The following QSER1 variants were observed in gnomAD, a reference collection of about 807,000 sequenced individuals.
QSER1 encodes the protein glutamine and serine-rich protein 1.
A neutral mutation model predicts 158.5 loss-of-function variants in QSER1; 49 were observed. That is an observed-to-expected ratio of 0.31 (90% CI 0.25 to 0.39). The LOEUF is 0.39. Among genes scored for constraint, QSER1 ranks in the 10% least tolerant of loss-of-function variants. The pLI, the probability that QSER1 is intolerant of heterozygous loss-of-function variation, is 1.00. For synonymous variants in QSER1, 650 were observed against 715.5 expected (o/e 0.91, Z 1.46); for missense variants, 1,754 against 2,010.3 (o/e 0.87, Z 2.44).
At chr11:32,911,905 G>A (rs1851771720) in intron 1 of QSER1, among the ~76,000 whole-genome samples, 1 of 152,200 alleles carries the variant, frequency 6.6e-6, no homozygotes, top group Admixed American at 6.5e-5. Flanking sequence ...TTAAGTGGAA[G>A]AGGGAAGAGT....
intron 4 of QSER1, among the ~76,000 whole-genome samples, chr11:32,949,079 T>C (rs1852382569): frequency 6.6e-6 from 1 of 152,178 alleles, no homozygotes; most frequent in Non-Finnish European, 1.5e-5. Flanking sequence ...TTTAATTCTA[T>C]CATCATTAAT....
chr11:32,901,711 C>G (rs1851627701), intron 1 of QSER1, among the ~76,000 whole-genome samples: 1 of 152,198 alleles, frequency 6.6e-6, no homozygotes, highest in Non-Finnish European at 1.5e-5. Flanking sequence ...ACCAGAGTAA[C>G]ACTGTACCAC....
At chr11:32,904,693 T>C (rs1851670139) in intron 1 of QSER1, among the ~76,000 whole-genome samples, 1 of 150,806 alleles carries the variant, frequency 6.6e-6, no homozygotes, top group African/African-American at 2.4e-5. Context: ...GTGTTAGGAA[T>C]GCTCTTATCT....
intron 1 of QSER1, among the ~76,000 whole-genome samples, chr11:32,913,439 C>T (rs1407003086): frequency 6.6e-6 from 1 of 152,024 alleles, no homozygotes; most frequent in Non-Finnish European, 1.5e-5. Context: ...ATGATCCGCC[C>T]ACCTTGGCCT....
chr11:32,957,109 G>GT (rs1852527500), intron 7 of QSER1, among the ~76,000 whole-genome samples: 1 of 144,364 alleles, frequency 6.9e-6, no homozygotes, highest in Non-Finnish European at 1.5e-5. Context: ...ATGCATTTGG[G>GT]TTTTTCTTTT....
At chr11:32,940,848 T>G (rs916434637) in intron 4 of QSER1, among the ~76,000 whole-genome samples, 17 of 152,042 alleles carry the variant, frequency 1.1e-4, no homozygotes, top group African/African-American at 3.9e-4. Context: ...TAATAAATGG[T>G]TCTTTTTAAA....
At chr11:32,957,601 A>C (rs1187553524) in intron 7 of QSER1, among the ~76,000 whole-genome samples, 1 of 152,156 alleles carries the variant, frequency 6.6e-6, no homozygotes, top group Non-Finnish European at 1.5e-5. Flanking sequence ...TCCATAAATC[A>C]AGGAGGGCAA....
intron 4 of QSER1, among the ~76,000 whole-genome samples, chr11:32,947,520 G>C (rs1044710050): frequency 3.3e-5 from 5 of 152,072 alleles, no homozygotes; most frequent in Admixed American, 2.6e-4. Context: ...TATGGAATTT[G>C]GCTTAAAATA....
At chr11:32,956,672 G>T (rs148580694) in intron 7 of QSER1, among the ~76,000 whole-genome samples, 11 of 152,268 alleles carry the variant, frequency 7.2e-5, no homozygotes, top group Admixed American at 3.3e-4. Context: ...TCTTACTCCA[G>T]TGCCAAGTAG....
chr11:32,966,551 G>A (rs1852752983), intron 9 of QSER1, 114 bp downstream of exon 9: 1 of 869,430 alleles, frequency 1.2e-6, no homozygotes, highest in Admixed American at 3.2e-5. Context: ...CCTATAAATT[G>A]TCAGTTAAAT....
rs1052221204 is a variant in QSER1 at position 32,976,578 on chromosome 11, G to A, written c.*104G>A. 5.5e-6 allele frequency: 7 copies of A among 1,263,024 alleles called. No homozygotes were observed. Among genetic ancestry groups the A allele is most frequent in the East Asian group, 2.4e-5 (1 of 41,298 alleles). 78.2% of individuals were successfully genotyped at this position (1,263,024 alleles called of 1,614,324 possible). A position where few individuals can be genotyped will look rare whatever the true frequency, so the allele number is the denominator to read the frequency against. On this transcript the variant is annotated 3_prime_UTR_variant, in exon 13 of 13. Coordinates refer to ENST00000650167, the MANE Select transcript of QSER1 (RefSeq NM_001076786.3). ...AGTAGTGGCCTTCTGCAGGCCGGCC[G>A]CTTCCATCATGGAACTGTCATTACC... is the stretch of plus-strand genomic sequence containing the variant.
chr11:32,957,763 G>A (rs1427235507), intron 7 of QSER1, 106 bp from the exon 8 acceptor site: 14 of 883,050 alleles, frequency 1.6e-5, no homozygotes, highest in East Asian at 1.1e-4. Flanking sequence ...AGGTATTGGT[G>A]AGAGTAATTA....
rs1851950611 is a variant in QSER1, at chr11:32,925,083, T to C, written c.210-2074T>C. On this transcript the variant is annotated intron_variant, in intron 1 of 12. Transcript: ENST00000650167. ...TTTGTTCTTTTTAATGGTTGTGTGG[T>C]ATTCTAAGATGTTTGTGTACCACAT... 2.0e-5 allele frequency among the ~76,000 whole-genome samples: 3 copies of C among 152,240 alleles called. No homozygotes were observed. The South Asian group carries it at 6.2e-4, about 32-fold the overall frequency.
intron 4 of QSER1, among the ~76,000 whole-genome samples, chr11:32,953,332 A>G (rs1230453588): frequency 6.7e-6 from 1 of 149,730 alleles, no homozygotes; most frequent in East Asian, 2.0e-4. Flanking sequence ...CTTATCTTCT[A>G]TCACTTTCAT....
At position 32,892,936 on chromosome 11, in the gene QSER1, C is replaced by T. The variant is rs1043177003; in HGVS notation, c.-190C>T. On this transcript the variant is annotated 5_prime_UTR_variant, in exon 1 of 13. Coordinates refer to ENST00000650167, the MANE Select transcript of QSER1 (RefSeq NM_001076786.3). ...TGGGGCCTCGCCGCCCGCCGCGGCC[C>T]GGGTCTTTGCGGCCCAGACTCGCCA... Among the ~76,000 whole-genome samples, 1 of 145,620 alleles carries T rather than the reference C, an allele frequency of 6.9e-6. No individual in the cohort carries two copies. Among genetic ancestry groups the T allele is most frequent in the African/African-American group, 2.5e-5 (1 of 39,842 alleles).
intron 11 of QSER1, among the ~76,000 whole-genome samples, chr11:32,973,968 T>G (rs1261197835): frequency 1.3e-5 from 2 of 152,196 alleles, no homozygotes; most frequent in Non-Finnish European, 2.9e-5. Context: ...TGCATGCACA[T>G]AGATAAGTAA....
intron 4 of QSER1, among the ~76,000 whole-genome samples, chr11:32,937,091 A>G (rs1438813418): frequency 6.6e-6 from 1 of 152,188 alleles, no homozygotes; most frequent in Non-Finnish European, 1.5e-5. Context: ...GTTCTAAAAC[A>G]TGAGTCTAAA....
At chr11:32,912,510 G>T (rs1238476715) in intron 1 of QSER1, among the ~76,000 whole-genome samples, 1 of 152,084 alleles carries the variant, frequency 6.6e-6, no homozygotes, top group Non-Finnish European at 1.5e-5. Flanking sequence ...AGGGTCCCAT[G>T]TCACATGTCA....
chr11:32,952,930 G>A (rs868075538), intron 4 of QSER1, among the ~76,000 whole-genome samples: 19 of 151,486 alleles, frequency 1.3e-4, no homozygotes, highest in Non-Finnish European at 2.2e-4. Context: ...ACCCTCCTGA[G>A]TAGCGGGGAT....
Sources: allele counts gnomAD v4.1 joint callset (sites outside exome capture counted in the v4.1 genomes callset), GRCh38; gene constraint gnomAD v4.1.1; transcripts MANE v1.5; gene names NCBI Gene and HGNC (gene_info 2026-07-23, HGNC 2026-07-21).